The following CRYL1 variants were observed in gnomAD, a reference collection of about 807,000 sequenced individuals.
CRYL1 encodes crystallin lambda 1.
Under a neutral mutation model 36.6 loss-of-function variants are expected in CRYL1, and 29 were observed. That is an observed-to-expected ratio of 0.79 (90% CI 0.59 to 1.08). The LOEUF is 1.08. CRYL1 is among the 50% of genes least tolerant of loss of function. The probability of loss-of-function intolerance (pLI) is 0.00; values close to 1 mark genes in which losing one functional copy is unlikely to be tolerated. For missense variants in CRYL1, 411 were observed against 407.9 expected (o/e 1.01, Z -0.06); for synonymous variants, 152 against 151.5 (o/e 1.00, Z -0.02).
At chr13:20,468,077 C>T (rs2032979183) in intron 3 of CRYL1, among the ~76,000 whole-genome samples, 1 of 152,146 alleles carries the variant, frequency 6.6e-6, no homozygotes, top group South Asian at 2.1e-4. Context: ...CCCCAACCCC[C>T]ACCTGGCAAT....
At chr13:20,431,402 G>A (rs2032056280) in intron 5 of CRYL1, 1 of 985,298 alleles carries the variant, frequency 1.0e-6, no homozygotes, top group Non-Finnish European at 1.2e-6. Flanking sequence ...TCCCCCTGCA[G>A]AAGCTGGGCA....
chr13:20,447,174 C>T (rs1221636039), intron 3 of CRYL1, among the ~76,000 whole-genome samples: 4 of 152,152 alleles, frequency 2.6e-5, no homozygotes, highest in Admixed American at 2.6e-4. Flanking sequence ...TCTTAAAGTT[C>T]AAATGTCCAC....
intron 5 of CRYL1, among the ~76,000 whole-genome samples, chr13:20,427,885 G>A (rs571313870): frequency 1.1e-4 from 16 of 151,982 alleles, no homozygotes; most frequent in African/African-American, 3.4e-4. Context: ...GAGGACTACC[G>A]AGAACTTTAT....
At chr13:20,448,769 G>A (rs1168586596) in intron 3 of CRYL1, among the ~76,000 whole-genome samples, 1 of 152,114 alleles carries the variant, frequency 6.6e-6, no homozygotes, top group African/African-American at 2.4e-5. Context: ...AACAACTTAT[G>A]GAATTCATTT....
At chr13:20,408,403 G>A (rs766212387) in intron 6 of CRYL1, among the ~76,000 whole-genome samples, 2 of 152,168 alleles carry the variant, frequency 1.3e-5, no homozygotes, top group East Asian at 1.9e-4. Context: ...CCCTGGAGGC[G>A]ATTTCCACGC....
intron 2 of CRYL1, among the ~76,000 whole-genome samples, chr13:20,497,679 CACA>C (rs892811859): frequency 5.3e-5 from 8 of 151,240 alleles, no homozygotes; most frequent in East Asian, 1.9e-4. Flanking sequence ...TCCACATACA[CACA>C]ACTACACACA....
intron 3 of CRYL1, among the ~76,000 whole-genome samples, chr13:20,466,230 G>A (rs949168616): frequency 4.6e-5 from 7 of 152,058 alleles, no homozygotes; most frequent in South Asian, 2.1e-4. Context: ...CCTTCCATAC[G>A]CCCCAATCTC....
At chr13:20,454,410 T>C in intron 3 of CRYL1, among the ~76,000 whole-genome samples, 1 of 137,418 alleles carries the variant, frequency 7.3e-6, no homozygotes, top group South Asian at 2.2e-4. Context: ...TCAACCCCCA[T>C]TCGTGTTTGT....
intron 1 of CRYL1, among the ~76,000 whole-genome samples, chr13:20,522,186 C>T (rs1435060520): frequency 6.6e-6 from 1 of 152,108 alleles, no homozygotes; most frequent in Non-Finnish European, 1.5e-5. Context: ...CCTGTCTCTA[C>T]TAAAAATACG....
At chr13:20,474,765 T>C (rs2033130318) in intron 3 of CRYL1, among the ~76,000 whole-genome samples, 1 of 152,118 alleles carries the variant, frequency 6.6e-6, no homozygotes, top group East Asian at 1.9e-4. Flanking sequence ...CCTCAGCCAA[T>C]GACCAGCCCA....
At chr13:20,497,663 CCACACTCCACATACACACAACTA>C (rs1166798722) in intron 2 of CRYL1, among the ~76,000 whole-genome samples, 2 of 150,754 alleles carry the variant, frequency 1.3e-5, no homozygotes, top group African/African-American at 4.9e-5. Flanking sequence ...ACACTACACA[CCACACTCCACATACACACAACTA>C]CACACACCAC....
In CRYL1 at chr13:20,420,701, T is replaced by TTTTTTTTTGTG; in HGVS notation, c.634-7315_634-7314insCACAAAAAAAA. On this transcript the variant is annotated intron_variant, in intron 5 of 7. Transcript: ENST00000298248. ...CTTTGACTTTTCTTTAAAATAGAGG[T>TTTTTTTTTGTG]TGTGTGTGTGTGTGTGTGTGTGTGT... Among the ~76,000 whole-genome samples the TTTTTTTTTGTG allele has an allele frequency of 9.2e-5, 2 of 21,840 alleles. 1 individual carries two copies. The highest frequency in any genetic ancestry group is 6.9e-4 in the Admixed American group (2 of 2,880). 14.3% of individuals were successfully genotyped at this position (21,840 alleles called of 152,430 possible). A position where few individuals can be genotyped will look rare whatever the true frequency, so the allele number is the denominator to read the frequency against.
intron 6 of CRYL1, among the ~76,000 whole-genome samples, chr13:20,412,530 T>A (rs1171427177): frequency 6.6e-6 from 1 of 152,216 alleles, no homozygotes; most frequent in African/African-American, 2.4e-5. Context: ...GTTACATCTC[T>A]CTCCAGATTT....
chr13:20,505,902 C>T (rs930256172), intron 2 of CRYL1, among the ~76,000 whole-genome samples: 13 of 152,168 alleles, frequency 8.5e-5, no homozygotes, highest in Admixed American at 4.6e-4. Flanking sequence ...AGGTCATACA[C>T]GGTGTTGCTG....
Position 20,439,618 on chromosome 13 carries a change from A to G in CRYL1, c.413T>C (p.Val138Ala). 1 of 1,613,934 alleles carries G rather than the reference A, an allele frequency of 6.2e-7. No individual in the cohort carries two copies. The highest frequency in any genetic ancestry group is 8.5e-7 in the Non-Finnish European group (1 of 1,179,976). The stretch of plus-strand genomic sequence containing the variant: ...AGGATGAGCCACGATGCATTGCTTC[A>G]CATGGACCAAGCCAGCAAACAACTT... ...PSKLFAGLVH[V>A]KQCIVAHPVN... The change falls in exon 4 of 8, where the codon GTG (valine) becomes GCG (alanine). Residue 138 changes from valine (V) to alanine (A), a missense_variant. Transcript: ENST00000298248.
Position 20,413,292 on chromosome 13 carries a change from G to C in CRYL1, c.729C>G (p.Leu243=). 6.2e-7 allele frequency: 1 copy of C among 1,607,334 alleles called. No homozygotes were observed. Among genetic ancestry groups the C allele is most frequent in the South Asian group, 1.1e-5 (1 of 90,850 alleles). Reference sequence around the variant, plus strand: ...GCCCCAGATGCATACCTTCTGCATTGAGATGCATGGTTTCCAGGGGTCCAA... The same window carrying C: ...GCCCCAGATGCATACCTTCTGCATTCAGATGCATGGTTTCCAGGGGTCCAA... ...AFIGPLETMH[L]NAEGMLSYCD... Residue 243 remains leucine (L), a synonymous_variant, in exon 6 of 8, where the codon CTC becomes CTG. Coordinates refer to ENST00000298248, the MANE Select transcript of CRYL1 (RefSeq NM_015974.3).
intron 3 of CRYL1, among the ~76,000 whole-genome samples, chr13:20,447,020 T>C (rs971005017): frequency 2.0e-5 from 3 of 152,216 alleles, no homozygotes; most frequent in Non-Finnish European, 2.9e-5. Context: ...AGCTGAAATG[T>C]TCTAGTCCAT....
chr13:20,462,560 T>C (rs1357577624), intron 3 of CRYL1, among the ~76,000 whole-genome samples: 2 of 149,570 alleles, frequency 1.3e-5, no homozygotes, highest in Non-Finnish European at 3.0e-5. Flanking sequence ...AATAACTAAG[T>C]AGTTGTTTCA....
chr13:20,499,647 GAC>G (rs935307220), intron 2 of CRYL1, among the ~76,000 whole-genome samples: 4 of 151,908 alleles, frequency 2.6e-5, no homozygotes, highest in African/African-American at 9.7e-5. Flanking sequence ...GCGAGACTCT[GAC>G]ACACACACAA....
Sources: gnomAD v4.1 joint callset for allele counts (sites outside exome capture counted in the v4.1 genomes callset) on GRCh38, gnomAD v4.1.1 for gene constraint, MANE v1.5 for transcripts, NCBI Gene and HGNC (gene_info 2026-07-23, HGNC 2026-07-21) for gene names.